The following PTPRK variants were observed in gnomAD, a reference collection of about 807,000 sequenced individuals.
PTPRK encodes receptor-type tyrosine-protein phosphatase kappa.
PTPRK carries 75 observed loss-of-function variants against 178.0 expected under a neutral mutation model. The observed-to-expected ratio is 0.42, with a 90% CI of 0.35 to 0.51. The LOEUF (loss-of-function observed/expected upper bound fraction) is 0.51. Ranked by LOEUF, PTPRK falls within the 20% of genes least tolerant of loss-of-function variation. PTPRK has a pLI of 0.02. For synonymous variants in PTPRK, 637 were observed against 620.6 expected (o/e 1.03, Z -0.39); for missense variants, 1,441 against 1,797.8 (o/e 0.80, Z 3.59).
chr6:128,406,633 A>T (rs1841688592), intron 1 of PTPRK, among the ~76,000 whole-genome samples: 1 of 152,236 alleles, frequency 6.6e-6, no homozygotes. Context: ...ATGTTGACTG[A>T]CATCAGAACC....
At chr6:128,467,435 G>A (rs1028784635) in intron 1 of PTPRK, among the ~76,000 whole-genome samples, 1 of 152,210 alleles carries the variant, frequency 6.6e-6, no homozygotes, top group Non-Finnish European at 1.5e-5. Context: ...CTTCCAGTGA[G>A]TTTAGATATC....
At chr6:128,372,373 G>T (rs981709722) in intron 2 of PTPRK, among the ~76,000 whole-genome samples, 73 of 152,082 alleles carry the variant, frequency 4.8e-4, no homozygotes, top group African/African-American at 1.7e-3. Context: ...TAACGCTTTG[G>T]GTGTGGTAAT....
At chr6:128,307,825 G>A (rs1826656038) in intron 3 of PTPRK, among the ~76,000 whole-genome samples, 1 of 152,150 alleles carries the variant, frequency 6.6e-6, no homozygotes, top group East Asian at 1.9e-4. Flanking sequence ...CTCAGCATAT[G>A]CATCAATAGA....
At position 127,977,847 on chromosome 6, in the gene PTPRK, T is replaced by C. The variant is rs141650742; in HGVS notation, c.3712-793A>G. On this transcript the variant is annotated intron_variant, in intron 25 of 29. Coordinates refer to ENST00000368226, the MANE Select transcript of PTPRK (RefSeq NM_002844.4). The stretch of plus-strand genomic sequence containing the variant: ...GGAGAAGTAGTAAAAACAATATTTA[T>C]CTGGACTGGACAATTGCCATTTGAT... Among the ~76,000 whole-genome samples the C allele has an allele frequency of 4.8e-3, 738 of 152,312 alleles. 6 individuals are homozygous for C. Among genetic ancestry groups the C allele is most frequent in the African/African-American group, 0.017 (706 of 41,560 alleles).
chr6:128,308,349 T>C (rs934033089), intron 3 of PTPRK, among the ~76,000 whole-genome samples: 4 of 151,912 alleles, frequency 2.6e-5, no homozygotes, highest in African/African-American at 9.7e-5. Flanking sequence ...TAAGTCGATT[T>C]CCATAAAACA....
intron 7 of PTPRK, among the ~76,000 whole-genome samples, chr6:128,157,543 T>C (rs566139004): frequency 1.6e-4 from 25 of 152,106 alleles, no homozygotes; most frequent in African/African-American, 6.0e-4. Flanking sequence ...CACAGTCATT[T>C]AAATTTCTAA....
chr6:128,109,638 T>C (rs1364157488), intron 7 of PTPRK, among the ~76,000 whole-genome samples: 2 of 152,190 alleles, frequency 1.3e-5, no homozygotes, highest in Non-Finnish European at 2.9e-5. Context: ...GATTTTCTTA[T>C]ACTGGTGATC....
intron 1 of PTPRK, among the ~76,000 whole-genome samples, chr6:128,478,490 C>T (rs1341517044): frequency 1.3e-5 from 2 of 152,094 alleles, no homozygotes; most frequent in Non-Finnish European, 2.9e-5. Flanking sequence ...CCTAAAGTGA[C>T]CTTCATGCTG....
intron 2 of PTPRK, among the ~76,000 whole-genome samples, chr6:128,378,166 T>A (rs888477022): frequency 1.3e-5 from 2 of 152,170 alleles, no homozygotes; most frequent in African/African-American, 4.8e-5. Flanking sequence ...TTATTACATT[T>A]ATGAACTAGA....
intron 1 of PTPRK, among the ~76,000 whole-genome samples, chr6:128,438,843 C>T (rs368621942): frequency 7.9e-5 from 12 of 152,212 alleles, no homozygotes; most frequent in African/African-American, 2.9e-4. Flanking sequence ...GCTCCTAGTA[C>T]TCCTGGTACA....
At chr6:128,014,414 G>A (rs968917257) in intron 13 of PTPRK, among the ~76,000 whole-genome samples, 2 of 150,530 alleles carry the variant, frequency 1.3e-5, no homozygotes, top group African/African-American at 4.9e-5. Flanking sequence ...GTGTGACAAT[G>A]AGCAAGTGAG....
Position 128,053,111 on chromosome 6 carries a change from T to C in PTPRK, c.2194+11647A>G, listed in dbSNP as rs527529019. ...TTAGGCATATTTTCCATCAGTATGT[T>C]GTTGCTCCCAGGCTGTCTCAGTGGA... On this transcript the variant is annotated intron_variant, in intron 13 of 29. Transcript: ENST00000368226. 2.0e-4 allele frequency among the ~76,000 whole-genome samples: 31 copies of C among 151,796 alleles called. No individual in the cohort carries two copies. The East Asian group carries it at 6.0e-3, about 30-fold the overall frequency.
intron 3 of PTPRK, among the ~76,000 whole-genome samples, chr6:128,301,423 T>C (rs72967046): frequency 0.066 from 10,112 of 152,098 alleles, 372 homozygotes; most frequent in Non-Finnish European, 0.07. Flanking sequence ...TGTTGGTAAA[T>C]TTTGCATTGT....
At chr6:128,010,186 T>C (rs147162771) in intron 13 of PTPRK, among the ~76,000 whole-genome samples, 425 of 151,444 alleles carry the variant, frequency 2.8e-3, no homozygotes, top group African/African-American at 9.8e-3. Flanking sequence ...CTATATCTTC[T>C]GTCTTTTAAC....
At chr6:128,293,427 C>A (rs550507047) in intron 3 of PTPRK, among the ~76,000 whole-genome samples, 22 of 152,134 alleles carry the variant, frequency 1.4e-4, no homozygotes, top group Admixed American at 4.6e-4. Flanking sequence ...TTTATAAGGG[C>A]TTTAAACCCA....
chr6:127,991,398 A>G lies in PTPRK; in HGVS notation c.2882-7T>C, dbSNP rs376438887. On this transcript the variant is annotated splice_polypyrimidine_tract_variant and splice_region_variant and intron_variant, in intron 19 of 29. Transcript: ENST00000368226. The stretch of plus-strand genomic sequence containing the variant: ...ACTGTTTCATGAACGGGACCTACAA[A>G]GAAATTAATTTGAATATTATGTTAT... 1 of 1,557,678 alleles carries G rather than the reference A, an allele frequency of 6.4e-7. No homozygotes were observed.
At chr6:128,154,093 A>G (rs1797651395) in intron 7 of PTPRK, among the ~76,000 whole-genome samples, 2 of 151,850 alleles carry the variant, frequency 1.3e-5, no homozygotes, top group Admixed American at 1.3e-4. Flanking sequence ...GGATAGAAAA[A>G]GCTAAGACAG....
At chr6:128,340,802 G>T (rs1562315584) in intron 2 of PTPRK, 1 of 474,556 alleles carries the variant, frequency 2.1e-6, no homozygotes, top group East Asian at 6.3e-5. Flanking sequence ...TGATTCTTTT[G>T]GTTTTGATCA....
chr6:128,062,231 A>C (rs1344791825), intron 13 of PTPRK: 1 of 163,700 alleles, frequency 6.1e-6, no homozygotes, highest in Non-Finnish European at 1.5e-5. Flanking sequence ...TTTCCTTTTG[A>C]GACATAGTCT....
Sources: allele counts gnomAD v4.1 joint callset (sites outside exome capture counted in the v4.1 genomes callset), GRCh38; gene constraint gnomAD v4.1.1; transcripts MANE v1.5; gene names NCBI Gene and HGNC (gene_info 2026-07-23, HGNC 2026-07-21).